PCDHGA1: variants seen among roughly 807,000 people sequenced by gnomAD.
The protein encoded by PCDHGA1 is protocadherin gamma-A1.
PCDHGA1 carries 32 observed loss-of-function variants against 58.0 expected under a neutral mutation model. That is an observed-to-expected ratio of 0.55 (90% CI 0.42 to 0.74). PCDHGA1 has a LOEUF of 0.74. PCDHGA1 is among the 30% of genes least tolerant of loss of function. The probability of loss-of-function intolerance (pLI) is 0.00; values close to 1 mark genes in which losing one functional copy is unlikely to be tolerated. For missense variants in PCDHGA1, 1,205 were observed against 1,182.3 expected (o/e 1.02, Z -0.28); for synonymous variants, 498 against 501.1 (o/e 0.99, Z 0.08).
In PCDHGA1 at chr5:141,495,260, G is replaced by A. The variant is rs368797742; in HGVS notation, c.2480+395G>A. On this transcript the variant is annotated intron_variant, in intron 2 of 3. Transcript: ENST00000517417. ...TATGACCTGGGGCTCAGGCAGAAAA[G>A]CATTTGACCGGAGGAGGCGGTCCGC... Among the ~76,000 whole-genome samples the A allele has an allele frequency of 3.3e-5, 5 of 152,208 alleles. No individual in the cohort carries two copies. The East Asian group carries it at 5.8e-4, about 18-fold the overall frequency.
intron 1 of PCDHGA1, chr5:141,471,515 T>C (rs931181988): frequency 2.6e-5 from 4 of 152,276 alleles, no homozygotes; most frequent in African/African-American, 9.6e-5. Context: ...GGAGTAAAAA[T>C]AACAGCGAGG....
chr5:141,481,913 CAA>C (rs34114744), intron 1 of PCDHGA1, among the ~76,000 whole-genome samples: 12,059 of 90,730 alleles, frequency 0.13, 576 homozygotes, highest in African/African-American at 0.21. Flanking sequence ...AACTCCATCT[CAA>C]AAAAAAAAAA....
chr5:141,477,951 G>T lies in PCDHGA1; in HGVS notation c.2422-16856G>T. 3 of 1,614,120 alleles carry T rather than the reference G, an allele frequency of 1.9e-6. No homozygotes were observed. The highest frequency in any genetic ancestry group is 2.5e-6 in the Non-Finnish European group (3 of 1,180,024). Reference sequence around the variant, plus strand: ...GCCTGGCTCTCCTACAGTCTCTTGGGATCCCCTAACCAGAGCCTTTTTGCC... The same window carrying T: ...GCCTGGCTCTCCTACAGTCTCTTGGTATCCCCTAACCAGAGCCTTTTTGCC... On this transcript the variant is annotated intron_variant, in intron 1 of 3. Transcript: ENST00000517417. The surrounding 1 kb of genome is among the most constrained non-coding windows in gnomAD (Gnocchi z 4.9).
chr5:141,415,594 G>A (rs753362668), intron 1 of PCDHGA1: 1 of 1,613,866 alleles, frequency 6.2e-7, no homozygotes, highest in Non-Finnish European at 8.5e-7. Context: ...TCCTATAGAG[G>A]ATACCCCATT....
At chr5:141,467,099 C>T (rs2099136810) in intron 1 of PCDHGA1, among the ~76,000 whole-genome samples, 1 of 149,976 alleles carries the variant, frequency 6.7e-6, no homozygotes, top group Admixed American at 6.7e-5. Context: ...GTCACACAGG[C>T]TGGAGTACAA....
chr5:141,370,898 GC>G (rs752324204), intron 1 of PCDHGA1: 10 of 1,614,062 alleles, frequency 6.2e-6, no homozygotes, highest in Non-Finnish European at 8.5e-6. Context: ...ATTCGCTGCA[GC>G]AGTACTACCT....
intron 1 of PCDHGA1, among the ~76,000 whole-genome samples, chr5:141,425,504 T>A (rs1049969153): frequency 2.6e-5 from 4 of 152,260 alleles, no homozygotes; most frequent in Non-Finnish European, 5.9e-5. Flanking sequence ...TACCTTTATA[T>A]TCTCTTTATG....
intron 1 of PCDHGA1, chr5:141,398,029 G>C (rs1363038637): frequency 2.7e-6 from 4 of 1,458,540 alleles, no homozygotes; most frequent in Non-Finnish European, 3.7e-6. Flanking sequence ...ACTGGAACTG[G>C]AACTAAAGCC....
chr5:141,496,523 G>T (rs1159517569), intron 2 of PCDHGA1, among the ~76,000 whole-genome samples: 1 of 152,128 alleles, frequency 6.6e-6, no homozygotes, highest in Non-Finnish European at 1.5e-5. Context: ...GGAGCCCTTG[G>T]TGTATGGCAG....
chr5:141,389,750 C>A (rs751642051), intron 1 of PCDHGA1: 4 of 1,612,642 alleles, frequency 2.5e-6, no homozygotes, highest in African/African-American at 2.7e-5. Context: ...TGCGCACGGG[C>A]GAAGTGCGCA....
At chr5:141,505,081 G>A (rs2099843521) in intron 2 of PCDHGA1, among the ~76,000 whole-genome samples, 3 of 152,146 alleles carry the variant, frequency 2.0e-5, no homozygotes, top group Admixed American at 2.0e-4. Flanking sequence ...AGAATCGCTT[G>A]AACCCAGGAG....
intron 1 of PCDHGA1, chr5:141,441,260 A>G (rs1217151195): frequency 1.3e-5 from 2 of 152,222 alleles, no homozygotes; most frequent in Non-Finnish European, 2.9e-5. Context: ...AAATCACAAG[A>G]TCTGGATTCG....
At chr5:141,371,731 A>G in intron 1 of PCDHGA1, 1 of 1,614,042 alleles carries the variant, frequency 6.2e-7, no homozygotes, top group Non-Finnish European at 8.5e-7. Flanking sequence ...CTTGATGTCA[A>G]CGACAACGTT....
At chr5:141,410,430 A>G in intron 1 of PCDHGA1, 1 of 1,613,976 alleles carries the variant, frequency 6.2e-7, no homozygotes, top group Middle Eastern at 1.6e-4. Context: ...CCCCCCAACT[A>G]CAGTGAGGGG....
chr5:141,419,069 C>G, intron 1 of PCDHGA1: 1 of 1,613,912 alleles, frequency 6.2e-7, no homozygotes, highest in Admixed American at 1.7e-5. Context: ...TTACTACAAG[C>G]TAGTAACAGA....
chr5:141,413,865 C>A, intron 1 of PCDHGA1: 2 of 1,613,388 alleles, frequency 1.2e-6, no homozygotes, highest in Non-Finnish European at 1.7e-6. Context: ...CTGGCACTGT[C>A]CTTGTCAGTG....
At chr5:141,467,373 T>C (rs2099143070) in intron 1 of PCDHGA1, among the ~76,000 whole-genome samples, 1 of 152,064 alleles carries the variant, frequency 6.6e-6, no homozygotes, top group Non-Finnish European at 1.5e-5. Context: ...TTTCTTATAT[T>C]GCATTTAGGT....
chr5:141,481,689 C>T (rs1198127143), intron 1 of PCDHGA1, among the ~76,000 whole-genome samples: 1 of 152,102 alleles, frequency 6.6e-6, no homozygotes, highest in Non-Finnish European at 1.5e-5. Context: ...CCTGGTGGCT[C>T]ACGCCTGTAA....
chr5:141,488,193 T>C (rs1211647195), intron 1 of PCDHGA1, among the ~76,000 whole-genome samples: 1 of 152,122 alleles, frequency 6.6e-6, no homozygotes, highest in Non-Finnish European at 1.5e-5. Flanking sequence ...TTGGTCTGGG[T>C]CTTAGGACTC....
Sources: allele counts gnomAD v4.1 joint callset (sites outside exome capture counted in the v4.1 genomes callset), GRCh38; gene constraint gnomAD v4.1.1; non-coding constraint Gnocchi (gnomAD v3.1); transcripts MANE v1.5; gene names NCBI Gene and HGNC (gene_info 2026-07-23, HGNC 2026-07-21).